Variants in MYH9 observed in about 807,000 individuals in gnomAD.
MYH9 encodes myosin-9.
A neutral mutation model predicts 241.9 loss-of-function variants in MYH9; 29 were observed. The ratio of observed to expected loss-of-function variants is 0.12; its 90% CI spans 0.09 to 0.16. MYH9 has a LOEUF of 0.16. Ranked by LOEUF, MYH9 falls within the 10% of genes least tolerant of loss-of-function variation. MYH9 has a pLI of 1.00. For missense variants in MYH9, 1,803 were observed against 2,595.5 expected (o/e 0.69, Z 6.63); for synonymous variants, 1,047 against 1,062.6 (o/e 0.99, Z 0.29).
At chr22:36,299,189 A>G in intron 23 of MYH9, 147 bp from the exon 24 acceptor site, 1 of 1,236,956 alleles carries the variant, frequency 8.1e-7, no homozygotes, top group Non-Finnish European at 1.2e-6. Flanking sequence ...TCCTAGATCA[A>G]AGGATAATTT....
chr22:36,314,354 A>G, intron 12 of MYH9, 36 bp from the exon 13 acceptor site: 1 of 1,612,268 alleles, frequency 6.2e-7, no homozygotes, highest in Non-Finnish European at 8.5e-7. Flanking sequence ...AGAGACGCCA[A>G]CCCTGCACTA....
intron 1 of MYH9, among the ~76,000 whole-genome samples, chr22:36,377,804 G>T (rs1224078091): frequency 6.6e-6 from 1 of 152,126 alleles, no homozygotes; most frequent in African/African-American, 2.4e-5. Flanking sequence ...TCAGCTACTC[G>T]GGAGGCTGAG....
At position 36,300,799 on chromosome 22, in the gene MYH9, C is replaced by A; in HGVS notation, c.2838+52G>T. ...CCAGCTCCTGGTTCCTGCTCCTCCGCCCCGCCCTGCCCCTCCGGCGCCACC... is the reference window on the plus strand; with the variant it reads ...CCAGCTCCTGGTTCCTGCTCCTCCGACCCGCCCTGCCCCTCCGGCGCCACC... On this transcript the variant is annotated intron_variant, in intron 22 of 40. Transcript: ENST00000216181. This position sits in a 1 kb window ranked among gnomAD's most constrained non-coding sequence, Gnocchi z 5.0. 2 of 1,591,852 alleles carry A rather than the reference C, an allele frequency of 1.3e-6. No homozygotes were observed. Among genetic ancestry groups the A allele is most frequent in the South Asian group, 2.2e-5 (2 of 90,914 alleles).
At chr22:36,378,876 G>C (rs1797891895) in intron 1 of MYH9, among the ~76,000 whole-genome samples, 1 of 152,018 alleles carries the variant, frequency 6.6e-6, no homozygotes, top group Non-Finnish European at 1.5e-5. Flanking sequence ...GAAGCCTCCT[G>C]ATTTGGAAAG....
chr22:36,298,337 C>A (rs2016820743), intron 24 of MYH9, among the ~76,000 whole-genome samples: 2 of 152,092 alleles, frequency 1.3e-5, no homozygotes, highest in African/African-American at 2.4e-5. Context: ...CCCCTCCCTG[C>A]CACAGATCCC....
chr22:36,292,731 G>A (rs1042545290), intron 30 of MYH9, among the ~76,000 whole-genome samples: 1 of 152,256 alleles, frequency 6.6e-6, no homozygotes, highest in Non-Finnish European at 1.5e-5. Context: ...AGGATCTAGA[G>A]CAGGGGCTCT....
intron 18 of MYH9, 85 bp from the exon 19 acceptor site, chr22:36,304,240 G>GC (rs1331777403): frequency 2.1e-6 from 3 of 1,435,274 alleles, no homozygotes; most frequent in Non-Finnish European, 2.9e-6. Context: ...CTGGAGGTGT[G>GC]CCCTTCACCC....
intron 20 of MYH9, 55 bp from the exon 21 acceptor site, chr22:36,301,720 C>G: frequency 6.2e-7 from 1 of 1,604,676 alleles, no homozygotes; most frequent in Non-Finnish European, 8.5e-7. Flanking sequence ...CCCGCCTCTG[C>G]CAACAGGTGT....
intron 1 of MYH9, among the ~76,000 whole-genome samples, chr22:36,382,884 A>T (rs62228870): frequency 0.084 from 12,731 of 152,148 alleles, 564 homozygotes; most frequent in East Asian, 0.1. Context: ...GTGGGCACAT[A>T]AACTGGTATG....
intron 1 of MYH9, among the ~76,000 whole-genome samples, chr22:36,366,716 C>G (rs1303430666): frequency 1.3e-5 from 2 of 152,176 alleles, no homozygotes; most frequent in African/African-American, 2.4e-5. Flanking sequence ...CCTCCCATCT[C>G]CAGGCCCAGC....
In MYH9 at chr22:36,320,183, T is replaced by C; in HGVS notation, c.1012+37A>G. The C allele has an allele frequency of 6.2e-7, 1 of 1,613,708 alleles. No homozygotes were observed. Among genetic ancestry groups the C allele is most frequent in the Non-Finnish European group, 8.5e-7 (1 of 1,179,970 alleles). On this transcript the variant is annotated intron_variant, in intron 9 of 40. Transcript: ENST00000216181. This position sits in a 1 kb window ranked among gnomAD's most constrained non-coding sequence, Gnocchi z 4.8. ...GAGGCCGTGGGTACCAGCCTTCCTCTGCCCCACACTCGACCATAGGAGGGC... is the reference window on the plus strand; with the variant it reads ...GAGGCCGTGGGTACCAGCCTTCCTCCGCCCCACACTCGACCATAGGAGGGC...
chr22:36,301,471 G>A (rs2016876021), intron 21 of MYH9, 63 bp downstream of exon 21: 4 of 1,605,072 alleles, frequency 2.5e-6, no homozygotes, highest in Non-Finnish European at 3.4e-6. Flanking sequence ...GCCTACCGAT[G>A]GCCAGCAGGT....
chr22:36,303,794 A>G (rs1569535303), intron 19 of MYH9, among the ~76,000 whole-genome samples: 2 of 149,192 alleles, frequency 1.3e-5, no homozygotes, highest in African/African-American at 2.6e-5. Context: ...CAAAAAAAAA[A>G]AAAAAAAAAG....
rs779736382 is a variant in MYH9 at position 36,325,599 on chromosome 22, A to C, written c.612+969T>G. ...CTCCCCGGCACTGCTTCTGACTGGCACGGCGGTGGCAGGTGAGGGCAGCCG... is the reference window on the plus strand; with the variant it reads ...CTCCCCGGCACTGCTTCTGACTGGCCCGGCGGTGGCAGGTGAGGGCAGCCG... On this transcript the variant is annotated intron_variant, in intron 5 of 40. Coordinates refer to ENST00000216181, the MANE Select transcript of MYH9 (RefSeq NM_002473.6). Among the ~76,000 whole-genome samples, 122 of 152,362 alleles carry C rather than the reference A, an allele frequency of 8.0e-4. 3 individuals are homozygous for C. The highest frequency in any genetic ancestry group is 2.8e-4 in the Non-Finnish European group (19 of 68,034).
chr22:36,317,355 C>T (rs2017173784), intron 11 of MYH9, among the ~76,000 whole-genome samples: 1 of 151,764 alleles, frequency 6.6e-6, no homozygotes, highest in South Asian at 2.1e-4. Flanking sequence ...TGATATTCAT[C>T]ACTGGGAATT....
At chr22:36,312,360 C>T (rs1745491348) in intron 13 of MYH9, 138 bp from the exon 14 acceptor site, 1 of 740,048 alleles carries the variant, frequency 1.4e-6, no homozygotes, top group Non-Finnish European at 2.2e-6. Flanking sequence ...AGAAGCAAAG[C>T]ACTGTTGAAG....
At chr22:36,354,334 A>T (rs993106927) in intron 1 of MYH9, among the ~76,000 whole-genome samples, 3 of 151,978 alleles carry the variant, frequency 2.0e-5, no homozygotes, top group Non-Finnish European at 2.9e-5. Flanking sequence ...CCTGACACCA[A>T]GGCCTCACTG....
intron 1 of MYH9, among the ~76,000 whole-genome samples, chr22:36,387,430 GTT>G (rs1024955353): frequency 3.3e-5 from 5 of 152,146 alleles, no homozygotes; most frequent in African/African-American, 1.2e-4. Flanking sequence ...GGGTTAAAAA[GTT>G]TGCCCGAGTC....
chr22:36,298,827 G>C (rs559557621), intron 24 of MYH9, 92 bp downstream of exon 24: 29 of 1,576,580 alleles, frequency 1.8e-5, no homozygotes, highest in Middle Eastern at 2.2e-4. Context: ...AGCTGAGAAG[G>C]CCTCGGTGTT....
Sources: allele counts gnomAD v4.1 joint callset (sites outside exome capture counted in the v4.1 genomes callset), GRCh38; gene constraint gnomAD v4.1.1; non-coding constraint Gnocchi (gnomAD v3.1); transcripts MANE v1.5; gene names NCBI Gene and HGNC (gene_info 2026-07-23, HGNC 2026-07-21).